The following RIT2 variants were observed in gnomAD, a reference collection of about 807,000 sequenced individuals.
RIT2 encodes the protein GTP-binding protein Rit2.
RIT2 carries 24 observed loss-of-function variants against 23.7 expected under a neutral mutation model. The observed-to-expected ratio is 1.01, with a 90% CI of 0.73 to 1.43. The LOEUF is 1.43. Ranked by LOEUF, RIT2 falls within the 40% of genes most tolerant of loss-of-function variation. The probability of loss-of-function intolerance (pLI) is 0.00; values close to 1 mark genes in which losing one functional copy is unlikely to be tolerated. For missense variants in RIT2, 236 were observed against 266.9 expected, an observed-to-expected ratio of 0.88 and a Z score of 0.81; for synonymous variants, 107 against 91.1, an observed-to-expected ratio of 1.17 and a Z score of -0.99.
At chr18:43,081,754 T>A (rs1913162894) in intron 1 of RIT2, among the ~76,000 whole-genome samples, 2 of 152,208 alleles carry the variant, frequency 1.3e-5, no homozygotes, top group African/African-American at 4.8e-5. Flanking sequence ...ATAACAGATT[T>A]ATTTTTAATC....
chr18:42,990,217 C>T (rs2144226400), intron 2 of RIT2, among the ~76,000 whole-genome samples: 1 of 152,116 alleles, frequency 6.6e-6, no homozygotes, highest in Middle Eastern at 3.4e-3. Flanking sequence ...AAGGAGAGGA[C>T]CAATGGCCCC....
At chr18:42,758,116 C>T (rs1223762639) in intron 4 of RIT2, among the ~76,000 whole-genome samples, 1 of 151,540 alleles carries the variant, frequency 6.6e-6, no homozygotes, top group Non-Finnish European at 1.5e-5. Flanking sequence ...CAAGTCTCAA[C>T]TATTTTTAGT....
chr18:42,832,863 GC>G (rs1314703904), intron 4 of RIT2, among the ~76,000 whole-genome samples: 2 of 151,810 alleles, frequency 1.3e-5, no homozygotes, highest in Non-Finnish European at 2.9e-5. Context: ...GACCAGCCTG[GC>G]CAACAAGGCG....
At chr18:42,904,227 C>G (rs565275177) in intron 4 of RIT2, among the ~76,000 whole-genome samples, 1 of 152,148 alleles carries the variant, frequency 6.6e-6, no homozygotes, top group East Asian at 1.9e-4. Context: ...TTAGATAAGC[C>G]TTAATTGTCT....
chr18:43,034,390 TTA>T, intron 1 of RIT2, among the ~76,000 whole-genome samples: 1 of 152,304 alleles, frequency 6.6e-6, no homozygotes, highest in South Asian at 2.1e-4. Context: ...TTTGCCTAAT[TTA>T]TGTTATCGAC....
At chr18:42,784,320 G>GATAA (rs1337408026) in intron 4 of RIT2, among the ~76,000 whole-genome samples, 346 of 151,462 alleles carry the variant, frequency 2.3e-3, no homozygotes, top group African/African-American at 7.5e-3. Context: ...ATAAAGGCAA[G>GATAA]AGAATGCCAT....
At chr18:43,085,213 T>G (rs1430126709) in intron 1 of RIT2, among the ~76,000 whole-genome samples, 1 of 152,190 alleles carries the variant, frequency 6.6e-6, no homozygotes, top group East Asian at 1.9e-4. Flanking sequence ...ATGTATTAAT[T>G]TTTATTTAAT....
chr18:43,081,389 C>A (rs1184323520), intron 1 of RIT2, among the ~76,000 whole-genome samples: 2 of 152,006 alleles, frequency 1.3e-5, no homozygotes, highest in Non-Finnish European at 2.9e-5. Flanking sequence ...TATTGGCAAC[C>A]ATGCATTCTA....
intron 3 of RIT2, chr18:42,949,178 C>G: frequency 2.5e-6 from 1 of 394,154 alleles, no homozygotes; most frequent in Non-Finnish European, 4.5e-6. Context: ...TCTTCCTGCT[C>G]CAAAAGGGGC....
intron 4 of RIT2, among the ~76,000 whole-genome samples, chr18:42,807,037 A>G (rs940241632): frequency 2.6e-5 from 4 of 152,180 alleles, no homozygotes; most frequent in African/African-American, 9.6e-5. Context: ...TATATATTGT[A>G]TTAATTGTAA....
intron 2 of RIT2, among the ~76,000 whole-genome samples, chr18:42,974,804 A>T (rs1029026723): frequency 1.3e-5 from 2 of 152,102 alleles, no homozygotes; most frequent in African/African-American, 4.8e-5. Flanking sequence ...AATTTCATTT[A>T]TAATGGCATC....
At chr18:42,889,041 C>T (rs980153670) in intron 4 of RIT2, among the ~76,000 whole-genome samples, 2 of 151,580 alleles carry the variant, frequency 1.3e-5, no homozygotes, top group Non-Finnish European at 2.9e-5. Flanking sequence ...ACATGTGCCC[C>T]CCTGTTTCTA....
intron 1 of RIT2, among the ~76,000 whole-genome samples, chr18:43,077,861 A>G (rs1913062422): frequency 6.6e-6 from 1 of 152,200 alleles, no homozygotes; most frequent in South Asian, 2.1e-4. Context: ...TTTTTAGGAC[A>G]TTGAATTTTT....
intron 4 of RIT2, among the ~76,000 whole-genome samples, chr18:42,780,047 G>GGTTTT (rs1913770815): frequency 3.4e-5 from 2 of 59,568 alleles, no homozygotes; most frequent in Admixed American, 3.0e-4. Flanking sequence ...CAATTTAGAG[G>GGTTTT]TTTTTTTTTT....
chr18:43,101,962 T>C (rs1913695072), intron 1 of RIT2, among the ~76,000 whole-genome samples: 1 of 152,224 alleles, frequency 6.6e-6, no homozygotes, highest in East Asian at 1.9e-4. Flanking sequence ...TAATCCTAGA[T>C]AGTAAAGTTG....
chr18:42,805,365 T>C (rs1905654106), intron 4 of RIT2, among the ~76,000 whole-genome samples: 1 of 152,206 alleles, frequency 6.6e-6, no homozygotes. Flanking sequence ...AGATATTATT[T>C]AGTTGAAATA....
intron 3 of RIT2, among the ~76,000 whole-genome samples, chr18:42,950,524 A>G (rs1909825407): frequency 6.6e-6 from 1 of 152,108 alleles, no homozygotes; most frequent in African/African-American, 2.4e-5. Flanking sequence ...AATTGCAACT[A>G]AAACAAAAAA....
At chr18:42,896,650 G>A (rs1908338533) in intron 4 of RIT2, among the ~76,000 whole-genome samples, 2 of 152,278 alleles carry the variant, frequency 1.3e-5, no homozygotes, top group South Asian at 4.1e-4. Context: ...TCAGAAGAAT[G>A]TGCACATATT....
At chr18:42,821,336 C>T (rs1276624233) in intron 4 of RIT2, among the ~76,000 whole-genome samples, 19 of 152,042 alleles carry the variant, frequency 1.2e-4, no homozygotes, top group Non-Finnish European at 1.5e-5. Flanking sequence ...CTACCTTAAA[C>T]TGTGGCATCA....
Sources: gnomAD v4.1 joint callset for allele counts (sites outside exome capture counted in the v4.1 genomes callset) on GRCh38, gnomAD v4.1.1 for gene constraint, MANE v1.5 for transcripts, NCBI Gene and HGNC (gene_info 2026-07-23, HGNC 2026-07-21) for gene names.